ADCY6: variants seen among roughly 807,000 people sequenced by gnomAD.
ADCY6 encodes the protein adenylate cyclase 6.
Under a neutral mutation model 111.6 loss-of-function variants are expected in ADCY6, and 59 were observed. That is an observed-to-expected ratio of 0.53 (90% CI 0.43 to 0.66). The LOEUF is 0.66. Among genes scored for constraint, ADCY6 ranks in the 30% least tolerant of loss-of-function variants. The pLI, the probability that ADCY6 is intolerant of heterozygous loss-of-function variation, is 0.00. For synonymous variants in ADCY6, 576 were observed against 642.9 expected (o/e 0.90, Z 1.57); for missense variants, 1,242 against 1,595.6 (o/e 0.78, Z 3.78).
intron 2 of ADCY6, among the ~76,000 whole-genome samples, chr12:48,781,199 C>CAA (rs1200774947): frequency 1.3e-4 from 13 of 102,634 alleles, no homozygotes; most frequent in Admixed American, 3.1e-4. Context: ...GACTCCGTCT[C>CAA]AAAAAAAAAA....
At position 48,782,985 on chromosome 12, in the gene ADCY6, G is replaced by A. The variant is rs1238163843; in HGVS notation, c.450C>T (p.Ser150=). The change falls in exon 2 of 22, where the codon AGC becomes AGT. Residue 150 remains serine (S), a synonymous_variant. Coordinates refer to ENST00000357869, the MANE Select transcript of ADCY6 (RefSeq NM_015270.5). This position sits in a 1 kb window ranked among gnomAD's most constrained non-coding sequence, Gnocchi z 4.3. ...GCACCGCCATCAGCAGCGTCAGGCT[G>A]CTCTGGTTCATCTGGAAGAAGTACC... ...YQRYFFQMNQ[S]SLTLLMAVLV... The A allele has an allele frequency of 1.2e-6, 2 of 1,613,628 alleles. No individual in the cohort carries two copies. Among genetic ancestry groups the A allele is most frequent in the African/African-American group, 2.7e-5 (2 of 74,938 alleles).
At position 48,769,054 on chromosome 12, in the gene ADCY6, G is replaced by A; in HGVS notation, c.3264C>T (p.Asn1088=). The A allele has an allele frequency of 1.2e-6, 2 of 1,612,238 alleles. No individual in the cohort carries two copies. The highest frequency in any genetic ancestry group is 2.2e-5 in the East Asian group (1 of 44,834). The change falls in exon 21 of 22, where the codon AAC becomes AAT. Residue 1088 remains asparagine (N), a synonymous_variant. Coordinates refer to ENST00000357869, the MANE Select transcript of ADCY6 (RefSeq NM_015270.5). ...FNNFQMKIGL[N]MGPVVAGVIG... ...TGACACCTGCCACGACTGGGCCCAT[G>A]TTCAGCCCTGAGGTGGAGAGAACAG...
chr12:48,784,382 C>A (rs1384698502), intron 1 of ADCY6, among the ~76,000 whole-genome samples: 2 of 151,730 alleles, frequency 1.3e-5, no homozygotes, highest in African/African-American at 4.8e-5. Context: ...GCCCAAAGAT[C>A]CAGCAGCCAC....
intron 1 of ADCY6, among the ~76,000 whole-genome samples, chr12:48,787,870 C>T (rs908278884): frequency 6.6e-6 from 1 of 152,198 alleles, no homozygotes; most frequent in Non-Finnish European, 1.5e-5. Context: ...CAGGCTGAGA[C>T]CAGAGTTTGG....
chr12:48,770,722 G>C lies in ADCY6; in HGVS notation c.3256+44C>G, dbSNP rs562606161. The C allele has an allele frequency of 8.2e-6, 13 of 1,590,038 alleles. No homozygotes were observed. In the African/African-American group the frequency reaches 1.3e-4, roughly 16 times the overall value. On this transcript the variant is annotated intron_variant, in intron 20 of 21. Coordinates refer to ENST00000357869, the MANE Select transcript of ADCY6 (RefSeq NM_015270.5). Reference sequence around the variant, plus strand: ...CAGCCTATAATCCCAGCTTCACCTGGAAAAAGTCCTGGGAAAACCCGCCAA... The same window carrying C: ...CAGCCTATAATCCCAGCTTCACCTGCAAAAAGTCCTGGGAAAACCCGCCAA...
At chr12:48,778,049 T>C (rs1460613019) in intron 3 of ADCY6, 59 bp downstream of exon 3, 1 of 1,556,262 alleles carries the variant, frequency 6.4e-7, no homozygotes, top group Non-Finnish European at 8.7e-7. Context: ...GCAGATCCAA[T>C]GTGCAAGTTA....
At position 48,776,694 on chromosome 12, in the gene ADCY6, A is replaced by T; in HGVS notation, c.1377-108T>A. The stretch of plus-strand genomic sequence containing the variant: ...GCCCAGCGGGCAAGGACAGACCCAG[A>T]TGCAGGGGACGGGAGCACAGCCTTG... On this transcript the variant is annotated intron_variant, in intron 6 of 21. Coordinates refer to ENST00000357869, the MANE Select transcript of ADCY6 (RefSeq NM_015270.5). This position sits in a 1 kb window ranked among gnomAD's most constrained non-coding sequence, Gnocchi z 6.1. 7.2e-7 allele frequency: 1 copy of T among 1,394,650 alleles called. No homozygotes were observed. 86.4% of individuals were successfully genotyped at this position (1,394,650 alleles called of 1,614,324 possible). A position where few individuals can be genotyped will look rare whatever the true frequency, so the allele number is the denominator to read the frequency against.
In ADCY6 at chr12:48,772,307, G is replaced by T; in HGVS notation, c.2775C>A (p.Leu925=). The T allele has an allele frequency of 6.2e-7, 1 of 1,613,416 alleles. No homozygotes were observed. Among genetic ancestry groups the T allele is most frequent in the South Asian group, 1.1e-5 (1 of 90,936 alleles). Residue 925 remains leucine, a synonymous_variant, in exon 18 of 22, where the codon CTC becomes CTA. Coordinates refer to ENST00000357869, the MANE Select transcript of ADCY6 (RefSeq NM_015270.5). Reference sequence around the variant, plus strand: ...CCCACACAGTCACCTGTAGTTTCCAGAGGAAGTCTAGGCGGGCAGTCGACT... The same window carrying T: ...CCCACACAGTCACCTGTAGTTTCCATAGGAAGTCTAGGCGGGCAGTCGACT... The part of the protein sequence containing the change: ...QVESTARLDF[L]WKLQATGEKE...
chr12:48,776,021 C>A lies in ADCY6; in HGVS notation c.1748G>T (p.Arg583Leu). ...RANSMEGLMPRWVPDRAFSRT... is the reference protein window; with the variant it reads ...RANSMEGLMPLWVPDRAFSRT... ...GGAGAAGGCACGATCAGGAACCCAG[C>A]GCGGCATCAGCCCTTCCATGGAGTT... Residue 583 changes from arginine (R) to leucine (L), a missense_variant, in exon 9 of 22, where the codon CGC becomes CTC. By Grantham distance (102) the Arg-to-Leu change is moderately radical (BLOSUM62 -2). Transcript: ENST00000357869. This position sits in a 1 kb window ranked among gnomAD's most constrained non-coding sequence, Gnocchi z 6.1. 2 of 1,612,724 alleles carry A rather than the reference C, an allele frequency of 1.2e-6. No homozygotes were observed. Among genetic ancestry groups the A allele is most frequent in the South Asian group, 1.1e-5 (1 of 90,776 alleles).
chr12:48,787,804 C>G (rs1389016963), intron 1 of ADCY6, among the ~76,000 whole-genome samples: 1 of 152,208 alleles, frequency 6.6e-6, no homozygotes, highest in African/African-American at 2.4e-5. Flanking sequence ...TCCCATTCAG[C>G]CTGGCAGGCC....
Position 48,783,305 on chromosome 12 carries a change from T to C in ADCY6, c.130A>G (p.Met44Val), listed in dbSNP as rs779388246. 1.2e-6 allele frequency: 2 copies of C among 1,613,378 alleles called. No homozygotes were observed. The highest frequency in any genetic ancestry group is 1.7e-6 in the Non-Finnish European group (2 of 1,179,824). The change falls in exon 2 of 22, where the codon ATG (methionine) becomes GTG (valine). Residue 44 changes from methionine to valine, a missense_variant. Coordinates refer to ENST00000357869, the MANE Select transcript of ADCY6 (RefSeq NM_015270.5). Reference sequence around the variant, plus strand: ...GGCTCTGCATCCCGGAGGCAGCTCATATAGCGGGGCGTGCAGAAGCCACCT... The same window carrying C: ...GGCTCTGCATCCCGGAGGCAGCTCACATAGCGGGGCGTGCAGAAGCCACCT... ...RAGGFCTPRY[M>V]SCLRDAEPPS... is the part of the protein sequence containing the mutation.
chr12:48,786,424 T>C (rs1171475137), intron 1 of ADCY6, among the ~76,000 whole-genome samples: 1 of 152,214 alleles, frequency 6.6e-6, no homozygotes, highest in Non-Finnish European at 1.5e-5. Context: ...TGGAGTGCAG[T>C]GGCACAATCT....
chr12:48,786,087 G>T (rs1592166989), intron 1 of ADCY6, among the ~76,000 whole-genome samples: 1 of 152,110 alleles, frequency 6.6e-6, no homozygotes, highest in Non-Finnish European at 1.5e-5. Flanking sequence ...TACCCTGAGG[G>T]GTCCCTTGTA....
intron 1 of ADCY6, among the ~76,000 whole-genome samples, chr12:48,788,612 C>T (rs1942025683): frequency 6.6e-6 from 1 of 152,160 alleles, no homozygotes; most frequent in Non-Finnish European, 1.5e-5. Context: ...GCCCCTCCCC[C>T]AGTACGTGCC....
intron 1 of ADCY6, among the ~76,000 whole-genome samples, chr12:48,788,553 C>T (rs899572658): frequency 6.6e-6 from 1 of 152,052 alleles, no homozygotes; most frequent in Non-Finnish European, 1.5e-5. Flanking sequence ...ATGGAATCTC[C>T]CCCAAACTCG....
In ADCY6 at chr12:48,773,923, G is replaced by T. The variant is rs769662300; in HGVS notation, c.2442+17C>A. ...TGCCAGGACAGCCCCCCCACCGCCT[G>T]AGCACTGCTCGAACACCTCAGGAAA... On this transcript the variant is annotated intron_variant, in intron 15 of 21. Transcript: ENST00000357869. 6.2e-7 allele frequency: 1 copy of T among 1,612,858 alleles called. No individual in the cohort carries two copies. The highest frequency in any genetic ancestry group is 8.5e-7 in the Non-Finnish European group (1 of 1,179,486).
At position 48,766,301 on chromosome 12, in the gene ADCY6, A is replaced by AC. The variant is rs1941377064; in HGVS notation, c.*2289_*2290insG. 6.5e-6 allele frequency: 1 copy of AC among 152,686 alleles called. No homozygotes were observed. The highest frequency in any genetic ancestry group is 1.5e-5 in the Non-Finnish European group (1 of 68,066). The allele number at this position is 152,686 out of a possible 1,614,324, so 9.5% of individuals were successfully genotyped here. ...CCCACAGTGGTTACATTATAAAACC[A>AC]AAGCCCACGGCCTCCCACCTCCTGA... is the stretch of plus-strand genomic sequence containing the variant. On this transcript the variant is annotated 3_prime_UTR_variant, in exon 22 of 22. Transcript: ENST00000357869.
In ADCY6 at chr12:48,782,711, G is replaced by A. The variant is rs1431165238; in HGVS notation, c.724C>T (p.Pro242Ser). 6.3e-7 allele frequency: 1 copy of A among 1,592,630 alleles called. No individual in the cohort carries two copies. The highest frequency in any genetic ancestry group is 1.1e-5 in the South Asian group (1 of 88,896). ...TAGGCGATGTAGACAAAGAACACAG[G>A]GCACCAGAGGCCCGCAGAGGGGCTG... ...PRSPSAGLWC[P>S]VFFVYIAYTL... is the part of the protein sequence containing the mutation. Residue 242 changes from proline (P) to serine (S), a missense_variant, in exon 2 of 22, where the codon CCT becomes TCT. Physicochemically the swap from Pro to Ser is moderately conservative, Grantham distance 74. Around this residue, in one of 4 missense-constraint regions of ADCY6, gnomAD observed 362 missense variants for 377.2 expected, o/e 0.96. Coordinates refer to ENST00000357869, the MANE Select transcript of ADCY6 (RefSeq NM_015270.5). This position sits in a 1 kb window ranked among gnomAD's most constrained non-coding sequence, Gnocchi z 4.3.
intron 11 of ADCY6, 34 bp from the exon 12 acceptor site, chr12:48,775,088 C>T: frequency 1.3e-6 from 2 of 1,532,128 alleles, no homozygotes; most frequent in South Asian, 1.2e-5. Flanking sequence ...AGTGCTGGGC[C>T]CTCCCTAAGG....
Sources: gnomAD v4.1 joint callset for allele counts (sites outside exome capture counted in the v4.1 genomes callset) on GRCh38, gnomAD v4.1.1 for gene constraint, gnomAD v4.1.1 regional missense constraint, Gnocchi (gnomAD v3.1) non-coding constraint, MANE v1.5 for transcripts, NCBI Gene and HGNC (gene_info 2026-07-23, HGNC 2026-07-21) for gene names.